SHANK1: variants seen among roughly 807,000 people sequenced by gnomAD.
SHANK1 encodes SH3 and multiple ankyrin repeat domains protein 1.
SHANK1 carries 35 observed loss-of-function variants against 165.6 expected under a neutral mutation model. The ratio of observed to expected loss-of-function variants is 0.21; its 90% confidence interval spans 0.16 to 0.28. The LOEUF is 0.28. Ranked by LOEUF, SHANK1 falls within the 10% of genes least tolerant of loss-of-function variation. The pLI is 1.00. For missense variants in SHANK1, 2,681 were observed against 3,036.4 expected, an observed-to-expected ratio of 0.88 and a Z score of 2.75; for synonymous variants, 1,428 against 1,384.8, an observed-to-expected ratio of 1.03 and a Z score of -0.69.
chr19:50,707,309 C>A (rs2088951865), intron 8 of SHANK1, among the ~76,000 whole-genome samples: 1 of 152,146 alleles, frequency 6.6e-6, no homozygotes, highest in African/African-American at 2.4e-5. Context: ...AAGGAGTGTC[C>A]TCTCCCTTTT....
chr19:50,697,919 C>T lies in SHANK1; in HGVS notation c.1785G>A (p.Gln595=). 6.2e-7 allele frequency: 1 copy of T among 1,614,076 alleles called. No individual in the cohort carries two copies. Among genetic ancestry groups the T allele is most frequent in the South Asian group, 1.1e-5 (1 of 91,082 alleles). ...GGAACCAGCCAACACGACCTTTGAC[C>T]TGGCCTTCCCAGAAGCCTCCTTCCC... is the stretch of plus-strand genomic sequence containing the variant. ...SIGEGGFWEG[Q]VKGRVGWFPS... The change falls in exon 13 of 24, where the codon CAG becomes CAA. Residue 595 remains glutamine, a synonymous_variant. Transcript: ENST00000293441. The surrounding 1 kb of genome is among the most constrained non-coding windows in gnomAD (Gnocchi z 4.7).
In SHANK1 at chr19:50,672,113, G is replaced by C. The variant is rs777118058; in HGVS notation, c.2579C>G (p.Ser860Trp). Residue 860 changes from serine (S) to tryptophan (W), a missense_variant and splice_region_variant, in exon 22 of 24, where the codon TCG (serine) becomes TGG (tryptophan). Physicochemically the swap from Ser to Trp is radical, Grantham distance 177. Transcript: ENST00000293441. The stretch of plus-strand genomic sequence containing the variant: ...GGCACGGTGGTGGGGATCGAAGCTC[G>C]ACTTTGGAGCGGCAGTCAGAGGGGG... The part of the protein sequence containing the change: ...HRPKGFFATE[S>W]SFDPHHRAQP... The C allele has an allele frequency of 2.5e-6, 4 of 1,612,738 alleles. No homozygotes were observed. Among genetic ancestry groups the C allele is most frequent in the Non-Finnish European group, 3.4e-6 (4 of 1,179,294 alleles).
Position 50,704,128 on chromosome 19 carries a change from T to A in SHANK1, c.1214A>T (p.Gln405Leu). The A allele has an allele frequency of 6.2e-7, 1 of 1,613,526 alleles. No homozygotes were observed. The highest frequency in any genetic ancestry group is 8.5e-7 in the Non-Finnish European group (1 of 1,179,842). The change falls in exon 10 of 24, where the codon CAG becomes CTG. Residue 405 changes from glutamine (Q) to leucine (L), a missense_variant. Around this residue, in one of 10 missense-constraint regions of SHANK1, gnomAD observed 49 missense variants for 55.6 expected, o/e 0.88. Transcript: ENST00000293441. The stretch of plus-strand genomic sequence containing the variant: ...AGCTCCCTGTCACTCACCCACATCC[T>A]GTTCTCGGTGGTTTCGGATCAGCTC... ...LGELIRNHRE[Q>L]DVVPFQESPK...
rs1209908499 is a variant in SHANK1 at position 50,661,876 on chromosome 19, G to T, written c.*89C>A. 1 of 1,441,256 alleles carries T rather than the reference G, an allele frequency of 6.9e-7. No individual in the cohort carries two copies. Among genetic ancestry groups the T allele is most frequent in the Non-Finnish European group, 9.6e-7 (1 of 1,037,614 alleles). 89.3% of individuals were successfully genotyped at this position (1,441,256 alleles called of 1,614,324 possible). On this transcript the variant is annotated 3_prime_UTR_variant, in exon 24 of 24. Transcript: ENST00000293441. ...GCAGTTTGAACAGAGTCCCTGGCCC[G>T]GGGAGAGAATGACAGTCAGGGGTCA...
In SHANK1 at chr19:50,712,129, A is replaced by G. The variant is rs768995043; in HGVS notation, c.793-15T>C. On this transcript the variant is annotated splice_polypyrimidine_tract_variant and intron_variant, in intron 6 of 23. Transcript: ENST00000293441. Reference sequence around the variant, plus strand: ...TCCAGGAGCGCCTAGGAACGGAGAGAGAACCCAGTAGAAAAACACAGATGA... The same window carrying G: ...TCCAGGAGCGCCTAGGAACGGAGAGGGAACCCAGTAGAAAAACACAGATGA... 1.9e-6 allele frequency: 3 copies of G among 1,558,388 alleles called. No individual in the cohort carries two copies. The highest frequency in any genetic ancestry group is 2.6e-6 in the Non-Finnish European group (3 of 1,155,172).
chr19:50,687,344 A>G (rs1461849463), intron 19 of SHANK1, among the ~76,000 whole-genome samples: 3 of 152,080 alleles, frequency 2.0e-5, no homozygotes, highest in Non-Finnish European at 4.4e-5. Context: ...GAGGGTACAT[A>G]CAGACCCTGA....
rs1467433076 is a variant in SHANK1 at position 50,661,843 on chromosome 19, G to C, written c.*122C>G. ...GTGACCTCTGGCCTTGGGAGATGAG[G>C]GCAGGGCGCAGTTTGAACAGAGTCC... On this transcript the variant is annotated 3_prime_UTR_variant, in exon 24 of 24. Coordinates refer to ENST00000293441, the MANE Select transcript of SHANK1 (RefSeq NM_016148.5). 8.8e-7 allele frequency: 1 copy of C among 1,137,610 alleles called. No individual in the cohort carries two copies. Among genetic ancestry groups the C allele is most frequent in the African/African-American group, 1.5e-5 (1 of 65,552 alleles). 70.5% of individuals were successfully genotyped at this position (1,137,610 alleles called of 1,614,324 possible). A position where few individuals can be genotyped will look rare whatever the true frequency, so the allele number is the denominator to read the frequency against.
In SHANK1 at chr19:50,689,183, C is replaced by T. The variant is rs183624816; in HGVS notation, c.2047+14G>A. 1.9e-4 allele frequency: 299 copies of T among 1,598,526 alleles called. No individual in the cohort carries two copies. The East Asian group carries it at 2.7e-3, about 14-fold the overall frequency. On this transcript the variant is annotated intron_variant, in intron 16 of 23. Coordinates refer to ENST00000293441, the MANE Select transcript of SHANK1 (RefSeq NM_016148.5). The stretch of plus-strand genomic sequence containing the variant: ...CAGAGCCCTTCTCCCATCCCCTCCC[C>T]GGCTGGCACTCACCCTTGGCCCCCC...
chr19:50,678,450 T>G (rs936944787), intron 21 of SHANK1, among the ~76,000 whole-genome samples: 109 of 149,156 alleles, frequency 7.3e-4, no homozygotes, highest in African/African-American at 2.6e-3. Flanking sequence ...GAGGCGAGGG[T>G]CAGGTGACAG....
intron 23 of SHANK1, among the ~76,000 whole-genome samples, chr19:50,663,374 G>T (rs955948064): frequency 6.6e-6 from 1 of 152,104 alleles, no homozygotes; most frequent in African/African-American, 2.4e-5. Context: ...CTCCCCTCCA[G>T]CACTGTCCCA....
intron 8 of SHANK1, among the ~76,000 whole-genome samples, chr19:50,710,042 A>T (rs1231486398): frequency 2.0e-5 from 3 of 152,138 alleles, no homozygotes; most frequent in Non-Finnish European, 4.4e-5. Flanking sequence ...CCATTTCAGG[A>T]AGAAGGATGG....
At position 50,662,896 on chromosome 19, in the gene SHANK1, CAG is replaced by C. The variant is rs1341161991; in HGVS notation, c.5769-216_5769-215del. On this transcript the variant is annotated intron_variant, in intron 23 of 23. Transcript: ENST00000293441. The surrounding 1 kb of genome is among the most constrained non-coding windows in gnomAD (Gnocchi z 7.7). ...ATGAAGGGAGAGAAAGATGAGAGGA[CAG>C]GGAGAGGGCGACAGTTAAGAGAGAT... 6.6e-6 allele frequency among the ~76,000 whole-genome samples: 1 copy of C among 151,620 alleles called. No homozygotes were observed. Among genetic ancestry groups the C allele is most frequent in the Non-Finnish European group, 1.5e-5 (1 of 67,902 alleles).
chr19:50,716,238 C>T lies in SHANK1; in HGVS notation c.459+37G>A. ...GGGGGCAGATGTGTTTTAGGGCATGCCTTCTCTTATCAGTGAAGGAGTTGG... is the reference window on the plus strand; with the variant it reads ...GGGGGCAGATGTGTTTTAGGGCATGTCTTCTCTTATCAGTGAAGGAGTTGG... On this transcript the variant is annotated intron_variant, in intron 3 of 23. Coordinates refer to ENST00000293441, the MANE Select transcript of SHANK1 (RefSeq NM_016148.5). The surrounding 1 kb of genome is among the most constrained non-coding windows in gnomAD (Gnocchi z 8.4). The T allele has an allele frequency of 6.3e-7, 1 of 1,596,028 alleles. No homozygotes were observed. Among genetic ancestry groups the T allele is most frequent in the Non-Finnish European group, 8.6e-7 (1 of 1,164,396 alleles).
chr19:50,684,920 T>C (rs1396667466), intron 21 of SHANK1, among the ~76,000 whole-genome samples: 5 of 152,230 alleles, frequency 3.3e-5, no homozygotes, highest in Non-Finnish European at 5.9e-5. Context: ...GAAACTACAT[T>C]TTAGTGTAAC....
chr19:50,659,618 A>AT lies in SHANK1; in HGVS notation c.*2346dup, dbSNP rs1212696614. Among the ~76,000 whole-genome samples, 2 of 120,038 alleles carry AT rather than the reference A, an allele frequency of 1.7e-5. No individual in the cohort carries two copies. Among genetic ancestry groups the AT allele is most frequent in the African/African-American group, 6.3e-5 (2 of 31,644 alleles). The allele number at this position is 120,038 out of a possible 152,430, so 78.7% of individuals were successfully genotyped here. Reference sequence around the variant, plus strand: ...CTTTTATTTCAGGTTTTTTTTCTGGATTTTTTTGTGTGTTCTAGGGGTTTT... The same window carrying AT: ...CTTTTATTTCAGGTTTTTTTTCTGGATTTTTTTTGTGTGTTCTAGGGGTTTT... On this transcript the variant is annotated 3_prime_UTR_variant, in exon 24 of 24. Transcript: ENST00000293441.
chr19:50,682,026 G>T (rs1986195784), intron 21 of SHANK1, among the ~76,000 whole-genome samples: 1 of 151,900 alleles, frequency 6.6e-6, no homozygotes, highest in Non-Finnish European at 1.5e-5. Context: ...TTACAGGTGT[G>T]AACCACTGTA....
intron 21 of SHANK1, among the ~76,000 whole-genome samples, chr19:50,676,203 T>G (rs1050100513): frequency 2.7e-5 from 4 of 150,566 alleles, no homozygotes; most frequent in African/African-American, 9.8e-5. Flanking sequence ...CTTGGGAGGC[T>G]GAGGTGGGAG....
In SHANK1 at chr19:50,702,650, T is replaced by C; in HGVS notation, c.1564A>G (p.Thr522Ala). 4 of 1,560,948 alleles carry C rather than the reference T, an allele frequency of 2.6e-6. No individual in the cohort carries two copies. The highest frequency in any genetic ancestry group is 3.5e-6 in the Non-Finnish European group (4 of 1,154,886). The change falls in exon 12 of 24, where the codon ACA (threonine) becomes GCA (alanine). Residue 522 changes from threonine (T) to alanine (A), a missense_variant. Physicochemically the swap from Thr to Ala is moderately conservative, Grantham distance 58. Coordinates refer to ENST00000293441, the MANE Select transcript of SHANK1 (RefSeq NM_016148.5). This position sits in a 1 kb window ranked among gnomAD's most constrained non-coding sequence, Gnocchi z 5.3. ...CCCCCGGCTGGCCCTTCCCGGGGTG[T>C]CCCGCTGGAGCTGCGTACACAGAGG... ...QPRGRPSSSG[T>A]PREGPAGGTG...
chr19:50,692,456 G>GATATATATATATATATATATATATAT (rs142402078), intron 15 of SHANK1, among the ~76,000 whole-genome samples: 108 of 128,710 alleles, frequency 8.4e-4, no homozygotes, highest in African/African-American at 2.6e-3. Flanking sequence ...GAATTCACCA[G>GATATATATATATATATATATATATAT]ATATATATAT....
Sources: allele counts gnomAD v4.1 joint callset (sites outside exome capture counted in the v4.1 genomes callset), GRCh38; gene constraint gnomAD v4.1.1; regional missense constraint gnomAD v4.1.1; non-coding constraint Gnocchi (gnomAD v3.1); transcripts MANE v1.5; gene names NCBI Gene and HGNC (gene_info 2026-07-23, HGNC 2026-07-21).